TTYH1: variants seen among roughly 807,000 people sequenced by gnomAD.
TTYH1 encodes the protein tweety family member 1, also known as protein tweety homolog 1.
A neutral mutation model predicts 61.2 loss-of-function variants in TTYH1; 33 were observed. That is an observed-to-expected ratio of 0.54 (90% CI 0.41 to 0.72). The LOEUF is 0.72. Among genes scored for constraint, TTYH1 ranks in the 30% least tolerant of loss-of-function variants. The pLI is 0.00. For missense variants in TTYH1, 538 were observed against 575.8 expected, an observed-to-expected ratio of 0.93 and a Z score of 0.67; for synonymous variants, 308 against 266.4, an observed-to-expected ratio of 1.16 and a Z score of -1.52.
At position 54,435,678 on chromosome 19, in the gene TTYH1, C is replaced by T; in HGVS notation, c.1262C>T (p.Pro421Leu). ...CSLPRAWALF[P>L]PSDDYDDTDD... The stretch of plus-strand genomic sequence containing the variant: ...CTGCCCCGAGCCTGGGCCCTCTTCC[C>T]ACCCAGGTCAGGAGCGGGGGAGGGT... Residue 421 changes from proline to leucine, a missense_variant, in exon 11 of 14, where the codon CCA (proline) becomes CTA (leucine). Around this residue, in one of 3 missense-constraint regions of TTYH1, gnomAD observed 378 missense variants for 401.2 expected, o/e 0.94. Coordinates refer to ENST00000376530, the MANE Select transcript of TTYH1 (RefSeq NM_020659.4). The T allele has an allele frequency of 1.9e-6, 3 of 1,609,380 alleles. No individual in the cohort carries two copies. The highest frequency in any genetic ancestry group is 2.5e-6 in the Non-Finnish European group (3 of 1,177,918).
Position 54,415,704 on chromosome 19 carries a change from G to A in TTYH1, c.126+26G>A, listed in dbSNP as rs2083062215. The stretch of plus-strand genomic sequence containing the variant: ...GTGGGACCGGGCGCCAGGGCCTGGG[G>A]GCCAGGGCTGGGGGCCGGAGCTCCT... On this transcript the variant is annotated intron_variant, in intron 1 of 13. Transcript: ENST00000376530. This position sits in a 1 kb window ranked among gnomAD's most constrained non-coding sequence, Gnocchi z 5.2. 6.6e-7 allele frequency: 1 copy of A among 1,522,932 alleles called. No homozygotes were observed. The highest frequency in any genetic ancestry group is 1.2e-5 in the South Asian group (1 of 81,244). 94.3% of individuals were successfully genotyped at this position (1,522,932 alleles called of 1,614,324 possible). A position where few individuals can be genotyped will look rare whatever the true frequency, so the allele number is the denominator to read the frequency against.
Position 54,430,916 on chromosome 19 carries a change from G to A in TTYH1, c.1032+11G>A. The A allele has an allele frequency of 1.9e-6, 3 of 1,611,280 alleles. No homozygotes were observed. Among genetic ancestry groups the A allele is most frequent in the Non-Finnish European group, 2.5e-6 (3 of 1,179,620 alleles). The stretch of plus-strand genomic sequence containing the variant: ...TTCCCTTCAGCGCAGGTCGGTGGGT[G>A]GGCGCTCCCCAGACACGCGGACCCC... On this transcript the variant is annotated intron_variant, in intron 9 of 13. Transcript: ENST00000376530.
At chr19:54,425,703 A>G (rs1294428110) in intron 4 of TTYH1, among the ~76,000 whole-genome samples, 1 of 106,164 alleles carries the variant, frequency 9.4e-6, no homozygotes, top group Non-Finnish European at 1.9e-5. Flanking sequence ...ACTGATATTT[A>G]AGGATTAACT....
chr19:54,430,037 C>A, intron 7 of TTYH1, 80 bp downstream of exon 7: 3 of 1,322,510 alleles, frequency 2.3e-6, no homozygotes, highest in Non-Finnish European at 3.2e-6. Flanking sequence ...TGTGCCCGGT[C>A]CTGCCCAGGG....
chr19:54,422,928 CAA>C (rs573699988), intron 4 of TTYH1, among the ~76,000 whole-genome samples: 9 of 85,380 alleles, frequency 1.1e-4, no homozygotes, highest in South Asian at 8.9e-4. Flanking sequence ...GACTCCATCT[CAA>C]AAAAAAAAAA....
Position 54,419,215 on chromosome 19 carries a change from T to G in TTYH1, c.214T>G (p.Cys72Gly). The change falls in exon 2 of 14, where the codon TGC becomes GGC. Residue 72 changes from cysteine to glycine, a missense_variant. Physicochemically the swap from Cys to Gly is radical, Grantham distance 159 (BLOSUM62 -3). This residue lies in a region of TTYH1 where 157 missense variants were observed against 157.0 expected (regional missense o/e 1.00). Coordinates refer to ENST00000376530, the MANE Select transcript of TTYH1 (RefSeq NM_020659.4). This position sits in a 1 kb window ranked among gnomAD's most constrained non-coding sequence, Gnocchi z 6.1. Reference sequence around the variant, plus strand: ...TGTCTACCTCATCCGCTTCTGCTGCTGCCGGCCCCCCGAGCCCCCCGGGTC... The same window carrying G: ...TGTCTACCTCATCCGCTTCTGCTGCGGCCGGCCCCCCGAGCCCCCCGGGTC... ...IAVYLIRFCC[C>G]RPPEPPGSKI... 7 of 1,611,336 alleles carry G rather than the reference T, an allele frequency of 4.3e-6. No individual in the cohort carries two copies. Among genetic ancestry groups the G allele is most frequent in the Non-Finnish European group, 5.9e-6 (7 of 1,179,974 alleles).
At chr19:54,422,847 T>C (rs55997260) in intron 4 of TTYH1, among the ~76,000 whole-genome samples, 35,782 of 147,354 alleles carry the variant, frequency 0.24, 4,904 homozygotes, top group Non-Finnish European at 0.32. Flanking sequence ...GAGAATCCCT[T>C]GAACCCGGGA....
At chr19:54,426,959 A>T (rs1407469543) in intron 5 of TTYH1, among the ~76,000 whole-genome samples, 191 bp downstream of exon 5, 1 of 152,112 alleles carries the variant, frequency 6.6e-6, no homozygotes, top group Non-Finnish European at 1.5e-5. Flanking sequence ...TAACAGTATG[A>T]AGTATGCTGG....
Position 54,419,632 on chromosome 19 carries a change from G to A in TTYH1, c.305+326G>A. 1.7e-6 allele frequency: 1 copy of A among 603,622 alleles called. No homozygotes were observed. The highest frequency in any genetic ancestry group is 3.1e-6 in the Non-Finnish European group (1 of 321,370). 37.4% of individuals were successfully genotyped at this position (603,622 alleles called of 1,614,324 possible). On this transcript the variant is annotated intron_variant, in intron 2 of 13. Coordinates refer to ENST00000376530, the MANE Select transcript of TTYH1 (RefSeq NM_020659.4). The surrounding 1 kb of genome is among the most constrained non-coding windows in gnomAD (Gnocchi z 6.1). ...GACCTAAGGGAGTGATAGTCTCCCT[G>A]GGCCTCAATTTCCACATCTGTAAAC...
At position 54,434,272 on chromosome 19, in the gene TTYH1, A is replaced by G. The variant is rs967123742; in HGVS notation, c.1126-1270A>G. Reference sequence around the variant, plus strand: ...AGCCAGCCAGCCAGGTGATCCTTTTAAAACACAATCCGATCAAGTTCTTCC... The same window carrying G: ...AGCCAGCCAGCCAGGTGATCCTTTTGAAACACAATCCGATCAAGTTCTTCC... On this transcript the variant is annotated intron_variant, in intron 10 of 13. Coordinates refer to ENST00000376530, the MANE Select transcript of TTYH1 (RefSeq NM_020659.4). This position sits in a 1 kb window ranked among gnomAD's most constrained non-coding sequence, Gnocchi z 4.3. The G allele has an allele frequency of 1.3e-5, 2 of 152,288 alleles. No homozygotes were observed. The highest frequency in any genetic ancestry group is 4.8e-5 in the African/African-American group (2 of 41,350). The allele number at this position is 152,288 out of a possible 1,614,324, so 9.4% of individuals were successfully genotyped here. A position where few individuals can be genotyped will look rare whatever the true frequency, so the allele number is the denominator to read the frequency against.
chr19:54,419,188 G>T lies in TTYH1; in HGVS notation c.187G>T (p.Ala63Ser), dbSNP rs770940945. 6.2e-7 allele frequency: 1 copy of T among 1,612,866 alleles called. No homozygotes were observed. The highest frequency in any genetic ancestry group is 8.5e-7 in the Non-Finnish European group (1 of 1,179,954). The change falls in exon 2 of 14, where the codon GCT becomes TCT. Residue 63 changes from alanine to serine, a missense_variant. Ala to Ser is a moderately conservative substitution (Grantham distance 99). Around this residue, in one of 3 missense-constraint regions of TTYH1, gnomAD observed 157 missense variants for 157.0 expected, o/e 1.00. Transcript: ENST00000376530. The surrounding 1 kb of genome is among the most constrained non-coding windows in gnomAD (Gnocchi z 6.1). The stretch of plus-strand genomic sequence containing the variant: ...CTTGGGCCTGAGCCTCATTTTCATC[G>T]CTGTCTACCTCATCCGCTTCTGCTG... ...LGLGLSLIFI[A>S]VYLIRFCCCR...
chr19:54,419,041 C>T lies in TTYH1; in HGVS notation c.127-87C>T, dbSNP rs960349641. On this transcript the variant is annotated intron_variant, in intron 1 of 13. Coordinates refer to ENST00000376530, the MANE Select transcript of TTYH1 (RefSeq NM_020659.4). The surrounding 1 kb of genome is among the most constrained non-coding windows in gnomAD (Gnocchi z 6.1). ...CCCACCTTCACTCTGACATCCCAGA[C>T]CCCGACCCCCCAGCCACGCAGGAAG... The T allele has an allele frequency of 2.2e-6, 3 of 1,381,106 alleles. No homozygotes were observed. Among genetic ancestry groups the T allele is most frequent in the Admixed American group, 2.1e-5 (1 of 46,856 alleles). 85.6% of individuals were successfully genotyped at this position (1,381,106 alleles called of 1,614,324 possible). A position where few individuals can be genotyped will look rare whatever the true frequency, so the allele number is the denominator to read the frequency against.
intron 4 of TTYH1, among the ~76,000 whole-genome samples, chr19:54,424,387 C>A (rs573839488): frequency 6.6e-6 from 1 of 152,204 alleles, no homozygotes; most frequent in Admixed American, 6.5e-5. Context: ...AGGCCCTGCC[C>A]GCGGGGCATG....
At chr19:54,418,840 C>G (rs73936541) in intron 1 of TTYH1, 3 of 370,938 alleles carry the variant, frequency 8.1e-6, no homozygotes, top group Non-Finnish European at 1.4e-5. Context: ...GGAGAAGGGG[C>G]GGTTCCTGCT....
Position 54,435,811 on chromosome 19 carries a change from C to A in TTYH1, c.1269-17C>A, listed in dbSNP as rs751841158. The stretch of plus-strand genomic sequence containing the variant: ...TCCCCATCCCGCCTCTCTGCCATGC[C>A]CCGCATCAAACCCCAGTGACGACTA... On this transcript the variant is annotated splice_polypyrimidine_tract_variant and intron_variant, in intron 11 of 13. Coordinates refer to ENST00000376530, the MANE Select transcript of TTYH1 (RefSeq NM_020659.4). The A allele has an allele frequency of 6.2e-7, 1 of 1,613,914 alleles. No individual in the cohort carries two copies. The highest frequency in any genetic ancestry group is 2.2e-5 in the East Asian group (1 of 44,862).
intron 5 of TTYH1, 77 bp downstream of exon 5, chr19:54,426,845 C>A: frequency 7.5e-7 from 1 of 1,331,788 alleles, no homozygotes; most frequent in South Asian, 1.2e-5. Context: ...TTACAACTCT[C>A]CTACACGGAG....
In TTYH1 at chr19:54,420,644, C is replaced by G. The variant is rs1049655149; in HGVS notation, c.306-633C>G. On this transcript the variant is annotated intron_variant, in intron 2 of 13. Coordinates refer to ENST00000376530, the MANE Select transcript of TTYH1 (RefSeq NM_020659.4). The surrounding 1 kb of genome is among the most constrained non-coding windows in gnomAD (Gnocchi z 4.8). ...GGGTGGGGGCGGGGGCACGGCTTCT[C>G]GCCCATCCTCCAGCCTCCCTCCCAC... 6.0e-6 allele frequency: 1 copy of G among 166,384 alleles called. No individual in the cohort carries two copies. Among genetic ancestry groups the G allele is most frequent in the Non-Finnish European group, 1.5e-5 (1 of 68,744 alleles). The allele number at this position is 166,384 out of a possible 1,614,324, so 10.3% of individuals were successfully genotyped here.
rs2083184152 is a variant in TTYH1 at position 54,420,335 on chromosome 19, G to A, written c.306-942G>A. The stretch of plus-strand genomic sequence containing the variant: ...GGACGCTTCCTCCTCCGGCTCTCTG[G>A]CGTGGGGGGAGACAGGGGAGGTGGA... On this transcript the variant is annotated intron_variant, in intron 2 of 13. Coordinates refer to ENST00000376530, the MANE Select transcript of TTYH1 (RefSeq NM_020659.4). The surrounding 1 kb of genome is among the most constrained non-coding windows in gnomAD (Gnocchi z 4.8). Among the ~76,000 whole-genome samples, 1 of 152,182 alleles carries A rather than the reference G, an allele frequency of 6.6e-6. No homozygotes were observed. Among genetic ancestry groups the A allele is most frequent in the South Asian group, 2.1e-4 (1 of 4,832 alleles).
In TTYH1 at chr19:54,436,562, G is replaced by C. The variant is rs374523021; in HGVS notation, c.*272G>C. Reference sequence around the variant, plus strand: ...CTCGCACCCTTCATCCCTGGCTGCCGGTCCCATCCTTGGAGGGACTAAGCT... The same window carrying C: ...CTCGCACCCTTCATCCCTGGCTGCCCGTCCCATCCTTGGAGGGACTAAGCT... On this transcript the variant is annotated 3_prime_UTR_variant, in exon 14 of 14. Transcript: ENST00000376530. This position sits in a 1 kb window ranked among gnomAD's most constrained non-coding sequence, Gnocchi z 4.3. The C allele has an allele frequency of 1.1e-5, 7 of 644,640 alleles. No individual in the cohort carries two copies. The highest frequency in any genetic ancestry group is 1.0e-4 in the Admixed American group (4 of 39,534). The allele number at this position is 644,640 out of a possible 1,614,324, so 39.9% of individuals were successfully genotyped here.
Sources: gnomAD v4.1 joint callset for allele counts (sites outside exome capture counted in the v4.1 genomes callset) on GRCh38, gnomAD v4.1.1 for gene constraint, gnomAD v4.1.1 regional missense constraint, Gnocchi (gnomAD v3.1) non-coding constraint, MANE v1.5 for transcripts, NCBI Gene and HGNC (gene_info 2026-07-23, HGNC 2026-07-21) for gene names.